The following LRRC38 variants were observed in gnomAD, a reference collection of about 807,000 sequenced individuals.
LRRC38 encodes the protein leucine rich repeat containing 38.
A neutral mutation model predicts 16.4 loss-of-function variants in LRRC38; 5 were observed. The ratio of observed to expected loss-of-function variants is 0.31; its 90% CI spans 0.16 to 0.64. LRRC38 has a LOEUF of 0.64. Ranked by LOEUF, LRRC38 falls within the 30% of genes least tolerant of loss-of-function variation. The pLI is 0.80. For synonymous variants in LRRC38, 191 were observed against 190.2 expected, an observed-to-expected ratio of 1.00 and a Z score of -0.04; for missense variants, 341 against 401.8, an observed-to-expected ratio of 0.85 and a Z score of 1.29.
chr1:13,503,291 C>G (rs1000367784), intron 1 of LRRC38, among the ~76,000 whole-genome samples: 49 of 152,034 alleles, frequency 3.2e-4, no homozygotes, highest in Admixed American at 3.2e-3. Context: ...TATTTTGAGA[C>G]AGTCTCACTC....
intron 1 of LRRC38, among the ~76,000 whole-genome samples, chr1:13,509,640 A>G (rs1569940897): frequency 6.6e-6 from 1 of 152,154 alleles, no homozygotes; most frequent in Non-Finnish European, 1.5e-5. Flanking sequence ...ATTCCAGCAG[A>G]GGGGTCTTTG....
intron 1 of LRRC38, among the ~76,000 whole-genome samples, chr1:13,482,506 A>G (rs1334593480): frequency 1.3e-5 from 2 of 151,736 alleles, no homozygotes; most frequent in African/African-American, 4.8e-5. Context: ...CTTGAGCCCC[A>G]GAGGCAAACG....
chr1:13,501,757 C>T (rs905708144), intron 1 of LRRC38, among the ~76,000 whole-genome samples: 1 of 149,578 alleles, frequency 6.7e-6, no homozygotes, highest in East Asian at 2.0e-4. Flanking sequence ...CCATGCCCGG[C>T]TCATTTTTGT....
chr1:13,479,348 C>T (rs1320270898), intron 1 of LRRC38, among the ~76,000 whole-genome samples: 4 of 152,156 alleles, frequency 2.6e-5, no homozygotes, highest in Non-Finnish European at 5.9e-5. Context: ...AGTGACAGAT[C>T]ATTATTTAGC....
chr1:13,507,339 C>T (rs1277836800), intron 1 of LRRC38, among the ~76,000 whole-genome samples: 2 of 152,220 alleles, frequency 1.3e-5, no homozygotes, highest in African/African-American at 4.8e-5. Flanking sequence ...CATGCACCGA[C>T]TCATCAACAG....
At chr1:13,482,579 C>CA (rs1375167551) in intron 1 of LRRC38, among the ~76,000 whole-genome samples, 3 of 108,086 alleles carry the variant, frequency 2.8e-5, no homozygotes, top group African/African-American at 1.2e-4. Context: ...GACTCCATCT[C>CA]GGAAAAAAAA....
chr1:13,476,057 C>T lies in LRRC38; in HGVS notation c.674G>A (p.Arg225Lys), dbSNP rs986125280. 1.3e-6 allele frequency: 2 copies of T among 1,550,332 alleles called. No individual in the cohort carries two copies. The highest frequency in any genetic ancestry group is 2.7e-5 in the African/African-American group (2 of 73,016). ...CTCCGACAGCTCACGCAGGGATATC[C>T]TCCTGCTCTCCATGGGCAGGGAGCA... Reference protein sequence around the residue: ...IQCSLPMESRRISLRELSEAS... With the variant: ...IQCSLPMESRKISLRELSEAS... The change falls in exon 2 of 2, where the codon AGG becomes AAG. Residue 225 changes from arginine (R) to lysine (K), a missense_variant. Arg to Lys is a conservative substitution (Grantham distance 26). Transcript: ENST00000376085.
chr1:13,503,786 G>A (rs146162553), intron 1 of LRRC38, among the ~76,000 whole-genome samples: 3 of 152,292 alleles, frequency 2.0e-5, no homozygotes, highest in Middle Eastern at 3.4e-3. Context: ...TTGGGACCAC[G>A]ATCCTTGGCT....
chr1:13,500,419 C>A (rs1639134620), intron 1 of LRRC38, among the ~76,000 whole-genome samples: 1 of 152,168 alleles, frequency 6.6e-6, no homozygotes. Flanking sequence ...GCTTCCTTTG[C>A]CCTACTGTTT....
At chr1:13,511,684 AGGACCGAGTCTACT>A (rs1317353587) in intron 1 of LRRC38, among the ~76,000 whole-genome samples, 1 of 152,110 alleles carries the variant, frequency 6.6e-6, no homozygotes, top group East Asian at 1.9e-4. Context: ...TCCTGTCTCC[AGGACCGAGTCTACT>A]GGTGGGCAGG....
chr1:13,497,107 T>A (rs1011753809), intron 1 of LRRC38, among the ~76,000 whole-genome samples: 1 of 151,996 alleles, frequency 6.6e-6, no homozygotes. Flanking sequence ...AGAAAGGAAC[T>A]AGGAGGAGGA....
At chr1:13,500,848 C>G (rs551020427) in intron 1 of LRRC38, among the ~76,000 whole-genome samples, 1 of 152,036 alleles carries the variant, frequency 6.6e-6, no homozygotes, top group East Asian at 1.9e-4. Context: ...TTAAATGATA[C>G]GACGTTCTGG....
intron 1 of LRRC38, among the ~76,000 whole-genome samples, chr1:13,500,995 G>C (rs1639140730): frequency 6.6e-6 from 1 of 152,090 alleles, no homozygotes; most frequent in Non-Finnish European, 1.5e-5. Context: ...GATCGTGAAG[G>C]ATTACATGAC....
chr1:13,507,641 G>T (rs986212584), intron 1 of LRRC38, among the ~76,000 whole-genome samples: 1 of 151,652 alleles, frequency 6.6e-6, no homozygotes, highest in African/African-American at 2.4e-5. Context: ...AGACAAGCCT[G>T]GCCAACATGG....
intron 1 of LRRC38, among the ~76,000 whole-genome samples, chr1:13,496,024 A>G (rs1569927705): frequency 6.6e-6 from 1 of 152,084 alleles, no homozygotes; most frequent in South Asian, 2.1e-4. Flanking sequence ...AACCCAGGTA[A>G]CGGCTTACAA....
intron 1 of LRRC38, among the ~76,000 whole-genome samples, chr1:13,502,882 T>C (rs1393115477): frequency 2.6e-5 from 4 of 152,228 alleles, no homozygotes; most frequent in Non-Finnish European, 1.5e-5. Context: ...TGATCATTTC[T>C]GATGTAGATG....
intron 1 of LRRC38, among the ~76,000 whole-genome samples, chr1:13,504,444 G>C (rs939789573): frequency 2.0e-5 from 3 of 152,058 alleles, no homozygotes; most frequent in African/African-American, 7.2e-5. Flanking sequence ...CATGAGGCTG[G>C]GCACAGTGGC....
chr1:13,484,521 A>G (rs542686977), intron 1 of LRRC38, among the ~76,000 whole-genome samples: 132 of 152,362 alleles, frequency 8.7e-4, no homozygotes, highest in African/African-American at 3.1e-3. Context: ...CAGCTCCCCT[A>G]TCAGACAGAT....
In LRRC38 at chr1:13,513,709, C is replaced by G. The variant is rs1270662302; in HGVS notation, c.-116G>C. 1 of 594,050 alleles carries G rather than the reference C, an allele frequency of 1.7e-6. No homozygotes were observed. Among genetic ancestry groups the G allele is most frequent in the Non-Finnish European group, 2.1e-6 (1 of 477,390 alleles). The allele number at this position is 594,050 out of a possible 1,614,324, so 36.8% of individuals were successfully genotyped here. ...GGGCGCGGGGAGCCAGAGGGCGGCC[C>G]GGGCGGGGAGGGCGTGCGCCCGGGC... is the stretch of plus-strand genomic sequence containing the variant. On this transcript the variant is annotated 5_prime_UTR_variant, in exon 1 of 2. Transcript: ENST00000376085.
Sources: gnomAD v4.1 joint callset for allele counts (sites outside exome capture counted in the v4.1 genomes callset) on GRCh38, gnomAD v4.1.1 for gene constraint, MANE v1.5 for transcripts, NCBI Gene and HGNC (gene_info 2026-07-23, HGNC 2026-07-21) for gene names.